The following NLGN4X variants were observed in gnomAD, a reference collection of about 807,000 sequenced individuals.
NLGN4X encodes the protein neuroligin 4 X-linked.
A neutral mutation model predicts 40.3 loss-of-function variants in NLGN4X; 3 were observed. That is an observed-to-expected ratio of 0.07 (90% CI 0.03 to 0.19). The LOEUF (loss-of-function observed/expected upper bound fraction) is 0.19. Ranked by LOEUF, NLGN4X falls within the 10% of genes least tolerant of loss-of-function variation. NLGN4X has a pLI of 1.00. For synonymous variants in NLGN4X, 270 were observed against 306.8 expected (o/e 0.88, Z 1.25); for missense variants, 382 against 708.3 (o/e 0.54, Z 5.23).
intron 3 of NLGN4X, among the ~76,000 whole-genome samples, chrX:5,960,259 CAA>C (rs35197486): frequency 2.2e-5 from 2 of 91,896 alleles, no homozygotes; most frequent in African/African-American, 7.9e-5. Flanking sequence ...GCCAATTTTG[CAA>C]AAAAAAAAAA....
chrX:5,982,445 T>C (rs1031293406), intron 3 of NLGN4X, among the ~76,000 whole-genome samples: 1 of 112,039 alleles, frequency 8.9e-6, no homozygotes, highest in Non-Finnish European at 1.9e-5. Context: ...AATAAAATAT[T>C]TGCATTATCT....
At chrX:5,937,054 T>A (rs749225964) in intron 3 of NLGN4X, among the ~76,000 whole-genome samples, 1 of 110,067 alleles carries the variant, frequency 9.1e-6, no homozygotes, top group East Asian at 2.9e-4. Context: ...AATAAACACC[T>A]CTCTCTCTCT....
At chrX:6,168,270 T>C (rs891393614) in intron 1 of NLGN4X, among the ~76,000 whole-genome samples, 2 of 112,230 alleles carry the variant, frequency 1.8e-5, no homozygotes, top group Non-Finnish European at 1.9e-5. Context: ...CAAGCTAAAT[T>C]ATCATCTGGC....
chrX:6,204,050 ATCT>A (rs1923840265), intron 1 of NLGN4X, among the ~76,000 whole-genome samples: 1 of 112,179 alleles, frequency 8.9e-6, no homozygotes, highest in African/African-American at 3.2e-5. Flanking sequence ...GTTGAATCTT[ATCT>A]GTGTTTCTAT....
At chrX:6,129,085 A>G (rs1459560467) in intron 2 of NLGN4X, among the ~76,000 whole-genome samples, 1 of 111,979 alleles carries the variant, frequency 8.9e-6, no homozygotes, top group African/African-American at 3.2e-5. Flanking sequence ...GGGGTGGTAA[A>G]TAACAGTGAC....
At chrX:6,112,846 T>C (rs1166340612) in intron 2 of NLGN4X, among the ~76,000 whole-genome samples, 1 of 110,542 alleles carries the variant, frequency 9.0e-6, no homozygotes, top group Non-Finnish European at 1.9e-5. Flanking sequence ...ATACTGGAGA[T>C]ATCTGGCCAA....
At chrX:6,071,219 A>G (rs1345283176) in intron 2 of NLGN4X, among the ~76,000 whole-genome samples, 1 of 111,835 alleles carries the variant, frequency 8.9e-6, no homozygotes, top group African/African-American at 3.3e-5. Flanking sequence ...TGCGGCTCAT[A>G]TGAAATCTTT....
chrX:6,057,896 C>T (rs957419650), intron 2 of NLGN4X, among the ~76,000 whole-genome samples: 2 of 111,411 alleles, frequency 1.8e-5, no homozygotes, highest in African/African-American at 6.5e-5. Flanking sequence ...ACACACTCAC[C>T]ATCAGAGACT....
At chrX:6,102,246 A>C (rs2147494635) in intron 2 of NLGN4X, among the ~76,000 whole-genome samples, 1 of 112,064 alleles carries the variant, frequency 8.9e-6, no homozygotes, top group East Asian at 2.8e-4. Flanking sequence ...AAAATATCTC[A>C]TGTACTCCAT....
At chrX:5,946,986 C>T (rs1047860105) in intron 3 of NLGN4X, among the ~76,000 whole-genome samples, 2 of 111,729 alleles carry the variant, frequency 1.8e-5, no homozygotes, top group African/African-American at 6.5e-5. Context: ...CAGCTCTATT[C>T]ATGTTCCTGC....
At chrX:5,990,549 C>G (rs996860556) in intron 3 of NLGN4X, among the ~76,000 whole-genome samples, 1 of 111,954 alleles carries the variant, frequency 8.9e-6, no homozygotes, top group East Asian at 2.8e-4. Flanking sequence ...TTATATATAA[C>G]AACAATACAA....
chrX:6,186,853 C>T (rs1179696768), intron 1 of NLGN4X: 1 of 111,594 alleles, frequency 9.0e-6, no homozygotes, highest in East Asian at 2.8e-4. Flanking sequence ...AATTTACCAT[C>T]TAATTAAATC....
chrX:5,969,940 G>A (rs1429560286), intron 3 of NLGN4X, among the ~76,000 whole-genome samples: 5 of 102,003 alleles, frequency 4.9e-5, no homozygotes, highest in Non-Finnish European at 7.8e-5. Flanking sequence ...ACCAAACACC[G>A]CATGTTCTCA....
intron 2 of NLGN4X, among the ~76,000 whole-genome samples, chrX:6,047,730 A>G (rs766602157): frequency 7.2e-5 from 8 of 111,791 alleles, no homozygotes; most frequent in Admixed American, 2.8e-4. Context: ...TGTCTCTACA[A>G]TAGAGGACAC....
chrX:6,168,630 T>C (rs1307095690), intron 1 of NLGN4X, among the ~76,000 whole-genome samples: 1 of 111,791 alleles, frequency 8.9e-6, no homozygotes, highest in South Asian at 3.7e-4. Flanking sequence ...TGTGCCATCA[T>C]GTCCAGCTAT....
At position 5,921,404 on chromosome X, in the gene NLGN4X, A is replaced by AGAGAGG. The variant is rs1295831974; in HGVS notation, c.626-12166_626-12165insCCTCTC. ...TTGAAAATGAACCAGAGAGAGAGAG[A>AGAGAGG]GAGAGAGAGAGAGAGAGAGAGAGAG... On this transcript the variant is annotated intron_variant, in intron 3 of 5. Coordinates refer to ENST00000381095, the MANE Select transcript of NLGN4X (RefSeq NM_181332.3). Among the ~76,000 whole-genome samples, 3 of 101,722 alleles carry AGAGAGG rather than the reference A, an allele frequency of 2.9e-5. 1 individual carries two copies. The Admixed American group carries it at 3.2e-4, about 11-fold the overall frequency. 88.3% of individuals were successfully genotyped at this position (101,722 alleles called of 115,157 possible).
intron 2 of NLGN4X, among the ~76,000 whole-genome samples, chrX:6,037,122 T>C (rs1251081731): frequency 2.7e-5 from 3 of 109,970 alleles, no homozygotes; most frequent in African/African-American, 6.6e-5. Flanking sequence ...CTGACCAACA[T>C]GGTGAAACCT....
At chrX:6,065,396 G>A (rs1038700360) in intron 2 of NLGN4X, among the ~76,000 whole-genome samples, 7 of 110,326 alleles carry the variant, frequency 6.3e-5, no homozygotes, top group South Asian at 7.8e-4. Flanking sequence ...GAGAAGAGTG[G>A]ATAGGAAAAG....
chrX:5,948,242 CAATAG>C (rs953567735), intron 3 of NLGN4X, among the ~76,000 whole-genome samples: 1 of 111,830 alleles, frequency 8.9e-6, no homozygotes, highest in African/African-American at 3.2e-5. Context: ...ATGACCCAAA[CAATAG>C]AAAAGTCATG....
Sources: allele counts gnomAD v4.1 joint callset (sites outside exome capture counted in the v4.1 genomes callset), GRCh38; gene constraint gnomAD v4.1.1; transcripts MANE v1.5; gene names NCBI Gene and HGNC (gene_info 2026-07-23, HGNC 2026-07-21).